Variants in PIAS1 observed in about 807,000 individuals in gnomAD.
PIAS1 encodes protein inhibitor of activated STAT 1, also known as E3 SUMO-protein ligase PIAS1.
A neutral mutation model predicts 71.3 loss-of-function variants in PIAS1; 6 were observed. That is an observed-to-expected ratio of 0.08 (90% CI 0.05 to 0.17). The LOEUF is 0.17. Among genes scored for constraint, PIAS1 ranks in the 10% least tolerant of loss-of-function variants. The pLI is 1.00. For missense variants in PIAS1, 555 were observed against 793.6 expected (o/e 0.70, Z 3.61); for synonymous variants, 303 against 292.9 (o/e 1.03, Z -0.35).
At position 68,185,248 on chromosome 15, in the gene PIAS1, C is replaced by T. The variant is rs778951559; in HGVS notation, c.1662+1581C>T. Among the ~76,000 whole-genome samples the T allele has an allele frequency of 1.3e-5, 2 of 152,096 alleles. No homozygotes were observed. Among genetic ancestry groups the T allele is most frequent in the Non-Finnish European group, 2.9e-5 (2 of 68,020 alleles). On this transcript the variant is annotated intron_variant, in intron 13 of 13. Coordinates refer to ENST00000249636, the MANE Select transcript of PIAS1 (RefSeq NM_016166.3). The surrounding 1 kb of genome is among the most constrained non-coding windows in gnomAD (Gnocchi z 4.4). ...CTGCAACTGAAAAACACCGAGAGGA[C>T]ACTGATGCAATTCTGGAAGGTTTAC...
chr15:68,105,714 G>A (rs1367294834), intron 2 of PIAS1, among the ~76,000 whole-genome samples: 3 of 152,130 alleles, frequency 2.0e-5, no homozygotes, highest in African/African-American at 4.8e-5. Context: ...GTGCACACCT[G>A]TAGTCCCAGC....
chr15:68,073,725 G>A (rs550279443), intron 1 of PIAS1, among the ~76,000 whole-genome samples: 4 of 152,126 alleles, frequency 2.6e-5, no homozygotes, highest in Admixed American at 6.5e-5. Flanking sequence ...GATTGGTTAC[G>A]GTGGTCATGC....
intron 12 of PIAS1, among the ~76,000 whole-genome samples, chr15:68,182,427 T>G (rs1341000716): frequency 5.2e-5 from 1 of 19,230 alleles, no homozygotes. Context: ...TTACAGCTAG[T>G]GTGTGTGTGT....
At position 68,097,986 on chromosome 15, in the gene PIAS1, C is replaced by G. The variant is rs147679879; in HGVS notation, c.469+11236C>G. On this transcript the variant is annotated intron_variant, in intron 2 of 13. Transcript: ENST00000249636. ...TTTTTGTTTACATGAGTATAGGGCT[C>G]TAATTTTATTTTTTTCCCAAAACTT... 4.7e-4 allele frequency among the ~76,000 whole-genome samples: 72 copies of G among 152,164 alleles called. 2 individuals are homozygous for G. Among genetic ancestry groups the G allele is most frequent in the East Asian group, 4.0e-3 (21 of 5,186 alleles).
At chr15:68,133,274 A>G (rs1567057060) in intron 2 of PIAS1, among the ~76,000 whole-genome samples, 1 of 152,132 alleles carries the variant, frequency 6.6e-6, no homozygotes, top group Non-Finnish European at 1.5e-5. Flanking sequence ...CCTTGAAGAT[A>G]TGAATAAATG....
At chr15:68,073,387 C>T (rs553880498) in intron 1 of PIAS1, among the ~76,000 whole-genome samples, 2 of 152,212 alleles carry the variant, frequency 1.3e-5, no homozygotes, top group African/African-American at 2.4e-5. Flanking sequence ...GGTGCCAAAC[C>T]GTTGTTACTC....
At chr15:68,060,081 C>T (rs1253412339) in intron 1 of PIAS1, among the ~76,000 whole-genome samples, 5 of 152,132 alleles carry the variant, frequency 3.3e-5, no homozygotes, top group Non-Finnish European at 7.3e-5. Context: ...ATTACTTCAG[C>T]ATCAGAATGT....
chr15:68,146,737 A>T (rs760622552), intron 6 of PIAS1, 37 bp downstream of exon 6: 2 of 1,532,936 alleles, frequency 1.3e-6, no homozygotes, highest in African/African-American at 1.4e-5. Flanking sequence ...TTTTTGTATT[A>T]TAAGGAGGGG....
intron 2 of PIAS1, among the ~76,000 whole-genome samples, chr15:68,115,722 G>T (rs934721452): frequency 6.6e-6 from 1 of 151,904 alleles, no homozygotes; most frequent in Non-Finnish European, 1.5e-5. Context: ...TCTATTCCTG[G>T]TTTCTGGAGA....
chr15:68,079,492 T>C (rs979211102), intron 1 of PIAS1, among the ~76,000 whole-genome samples: 2 of 152,130 alleles, frequency 1.3e-5, no homozygotes, highest in Non-Finnish European at 2.9e-5. Context: ...TTTGAGACAG[T>C]GTCTCACTCT....
intron 2 of PIAS1, among the ~76,000 whole-genome samples, chr15:68,105,713 T>G (rs545496506): frequency 6.6e-6 from 1 of 152,170 alleles, no homozygotes; most frequent in Non-Finnish European, 1.5e-5. Context: ...GGTGCACACC[T>G]GTAGTCCCAG....
At chr15:68,148,468 G>A (rs1401285658) in intron 6 of PIAS1, among the ~76,000 whole-genome samples, 1 of 152,004 alleles carries the variant, frequency 6.6e-6, no homozygotes, top group East Asian at 1.9e-4. Context: ...TCTCACTCTT[G>A]GCCAGGCTGG....
intron 1 of PIAS1, among the ~76,000 whole-genome samples, chr15:68,072,459 T>C (rs144250415): frequency 0.01 from 1,491 of 146,368 alleles, 25 homozygotes; most frequent in African/African-American, 0.035. Context: ...CAGATTGTTA[T>C]GAGAATTTTC....
chr15:68,134,313 G>C (rs1161353545), intron 2 of PIAS1, among the ~76,000 whole-genome samples: 1 of 30,598 alleles, frequency 3.3e-5, no homozygotes, highest in African/African-American at 6.4e-5. Context: ...AGGGGCGGCC[G>C]GGCAGAGGCG....
chr15:68,143,576 T>C (rs1385260188), intron 4 of PIAS1, among the ~76,000 whole-genome samples: 1 of 152,130 alleles, frequency 6.6e-6, no homozygotes, highest in Non-Finnish European at 1.5e-5. Flanking sequence ...ATAAAAGGTA[T>C]ATTTTATGTC....
chr15:68,121,458 G>A (rs2092612892), intron 2 of PIAS1, among the ~76,000 whole-genome samples: 1 of 151,798 alleles, frequency 6.6e-6, no homozygotes, highest in Non-Finnish European at 1.5e-5. Context: ...ATTTGCTTTG[G>A]TGTTGCTTTA....
At chr15:68,064,807 T>C (rs1425418508) in intron 1 of PIAS1, among the ~76,000 whole-genome samples, 2 of 152,206 alleles carry the variant, frequency 1.3e-5, no homozygotes, top group East Asian at 3.8e-4. Context: ...TTTATTAAGC[T>C]AGATGTTAAA....
intron 2 of PIAS1, among the ~76,000 whole-genome samples, chr15:68,115,439 G>A (rs141885674): frequency 1.8e-4 from 28 of 152,136 alleles, no homozygotes; most frequent in African/African-American, 6.7e-4. Flanking sequence ...AAATTCGATT[G>A]TTCTAGAAGC....
At position 68,098,205 on chromosome 15, in the gene PIAS1, A is replaced by G. The variant is rs142337366; in HGVS notation, c.469+11455A>G. 2.3e-4 allele frequency among the ~76,000 whole-genome samples: 35 copies of G among 152,334 alleles called. No homozygotes were observed. In the East Asian group the frequency reaches 6.4e-3, roughly 28 times the overall value. ...ACTTTACTATAACCTATTGTTTACC[A>G]GAAGCCTTACCAATAACATAAACAG... On this transcript the variant is annotated intron_variant, in intron 2 of 13. Transcript: ENST00000249636.
Sources: allele counts gnomAD v4.1 joint callset (sites outside exome capture counted in the v4.1 genomes callset), GRCh38; gene constraint gnomAD v4.1.1; non-coding constraint Gnocchi (gnomAD v3.1); transcripts MANE v1.5; gene names NCBI Gene and HGNC (gene_info 2026-07-23, HGNC 2026-07-21).